The following MAGI2 variants were observed in gnomAD, a reference collection of about 807,000 sequenced individuals.
The protein encoded by MAGI2 is membrane associated guanylate kinase, WW and PDZ domain containing 2, also known as membrane-associated guanylate kinase, WW and PDZ domain-containing protein 2.
MAGI2 carries 35 observed loss-of-function variants against 133.3 expected under a neutral mutation model. The ratio of observed to expected loss-of-function variants is 0.26; its 90% CI spans 0.20 to 0.35. The LOEUF is 0.35. Among genes scored for constraint, MAGI2 ranks in the 10% least tolerant of loss-of-function variants. The pLI is 1.00. For missense variants in MAGI2, 1,636 were observed against 1,863.4 expected (o/e 0.88, Z 2.25); for synonymous variants, 729 against 710.6 (o/e 1.03, Z -0.41).
chr7:79,429,668 T>A (rs1430339554), intron 1 of MAGI2, among the ~76,000 whole-genome samples: 2 of 152,170 alleles, frequency 1.3e-5, no homozygotes, highest in Non-Finnish European at 2.9e-5. Context: ...CTTTCCTACT[T>A]TCAATAGAGT....
chr7:78,271,341 C>A (rs542740162), intron 9 of MAGI2, among the ~76,000 whole-genome samples: 1 of 152,236 alleles, frequency 6.6e-6, no homozygotes, highest in African/African-American at 2.4e-5. Context: ...TGACGTGCTG[C>A]TGGATTCGGT....
intron 6 of MAGI2, among the ~76,000 whole-genome samples, chr7:78,456,273 A>T (rs1789311541): frequency 6.6e-6 from 1 of 152,086 alleles, no homozygotes; most frequent in African/African-American, 2.4e-5. Flanking sequence ...CTTATGCTAA[A>T]CTTTAAGGCT....
chr7:79,144,881 T>A (rs1822468893), intron 1 of MAGI2, among the ~76,000 whole-genome samples: 1 of 152,186 alleles, frequency 6.6e-6, no homozygotes, highest in Non-Finnish European at 1.5e-5. Context: ...TCTTTCCTAT[T>A]TGTTTCTGTG....
intron 1 of MAGI2, among the ~76,000 whole-genome samples, chr7:79,291,279 T>C (rs1052673417): frequency 6.6e-6 from 1 of 152,164 alleles, no homozygotes; most frequent in Non-Finnish European, 1.5e-5. Flanking sequence ...AATATTCCAT[T>C]GTATGTATAA....
chr7:78,294,024 A>T (rs950878996), intron 9 of MAGI2, among the ~76,000 whole-genome samples: 1 of 152,200 alleles, frequency 6.6e-6, no homozygotes, highest in African/African-American at 2.4e-5. Flanking sequence ...ACATGTATAC[A>T]AATGTAATAC....
intron 1 of MAGI2, among the ~76,000 whole-genome samples, chr7:79,363,586 C>A (rs989567670): frequency 6.6e-6 from 1 of 150,938 alleles, no homozygotes; most frequent in Non-Finnish European, 1.5e-5. Flanking sequence ...AAATTTAAGA[C>A]CTGAAACTAT....
chr7:78,427,033 T>G (rs1799345510), intron 6 of MAGI2, among the ~76,000 whole-genome samples: 1 of 152,150 alleles, frequency 6.6e-6, no homozygotes, highest in African/African-American at 2.4e-5. Flanking sequence ...CATGAAATAA[T>G]ATAACATTAA....
intron 1 of MAGI2, among the ~76,000 whole-genome samples, chr7:79,123,868 A>C (rs1226383451): frequency 6.6e-6 from 1 of 150,948 alleles, no homozygotes; most frequent in East Asian, 1.9e-4. Flanking sequence ...TTTATTGAGC[A>C]GTCACTATTT....
intron 4 of MAGI2, among the ~76,000 whole-genome samples, chr7:78,505,315 C>G (rs1195643796): frequency 6.6e-6 from 1 of 152,024 alleles, no homozygotes; most frequent in Non-Finnish European, 1.5e-5. Flanking sequence ...CACAAGAATA[C>G]TTTACAAGTT....
chr7:79,207,284 C>A (rs1167173510), intron 1 of MAGI2, among the ~76,000 whole-genome samples: 1 of 151,804 alleles, frequency 6.6e-6, no homozygotes, highest in African/African-American at 2.4e-5. Flanking sequence ...TAAGTTGTCC[C>A]TGTTTGCAGA....
chr7:78,685,886 A>G (rs992446779), intron 2 of MAGI2, among the ~76,000 whole-genome samples: 1 of 152,070 alleles, frequency 6.6e-6, no homozygotes, highest in African/African-American at 2.4e-5. Context: ...TCTACCTCCA[A>G]AATATTAGTA....
chr7:79,097,712 T>A (rs971716898), intron 1 of MAGI2, among the ~76,000 whole-genome samples: 4 of 152,224 alleles, frequency 2.6e-5, no homozygotes, highest in Non-Finnish European at 4.4e-5. Context: ...AATTTCTAAC[T>A]AGTTGCAGGG....
Position 78,573,066 on chromosome 7 carries a change from T to C in MAGI2, c.539-51421A>G, listed in dbSNP as rs34005306. Among the ~76,000 whole-genome samples, 565 of 89,658 alleles carry C rather than the reference T, an allele frequency of 6.3e-3. 13 individuals carry two copies. Among genetic ancestry groups the C allele is most frequent in the African/African-American group, 0.025 (528 of 21,456 alleles). 58.8% of individuals were successfully genotyped at this position (89,658 alleles called of 152,430 possible). A position where few individuals can be genotyped will look rare whatever the true frequency, so the allele number is the denominator to read the frequency against. Reference sequence around the variant, plus strand: ...ATATATATATATATATATATATATATATATATATATACACACACACACACA... The same window carrying C: ...ATATATATATATATATATATATATACATATATATATACACACACACACACA... On this transcript the variant is annotated intron_variant, in intron 3 of 21. Transcript: ENST00000354212.
At chr7:78,587,221 T>C (rs371403781) in intron 3 of MAGI2, among the ~76,000 whole-genome samples, 1 of 152,340 alleles carries the variant, frequency 6.6e-6, no homozygotes, top group African/African-American at 2.4e-5. Flanking sequence ...TTCCAACTTC[T>C]CCATACCCTC....
At chr7:78,058,329 C>T (rs768776144) in intron 21 of MAGI2, among the ~76,000 whole-genome samples, 22 of 152,036 alleles carry the variant, frequency 1.4e-4, no homozygotes, top group Admixed American at 3.9e-4. Flanking sequence ...TGTTCTTGCT[C>T]GCCTTTGCCA....
intron 2 of MAGI2, among the ~76,000 whole-genome samples, chr7:78,717,174 C>CG (rs1342607737): frequency 1.3e-5 from 2 of 152,104 alleles, no homozygotes; most frequent in Admixed American, 1.3e-4. Flanking sequence ...GCTCCCCCTC[C>CG]GCAGGTCTTT....
At chr7:79,434,082 G>A (rs916037316) in intron 1 of MAGI2, among the ~76,000 whole-genome samples, 2 of 151,298 alleles carry the variant, frequency 1.3e-5, no homozygotes, top group Non-Finnish European at 2.9e-5. Flanking sequence ...CTAAAAGCCT[G>A]AAACAAATCT....
At chr7:78,490,231 C>G (rs2150491732) in intron 5 of MAGI2, among the ~76,000 whole-genome samples, 1 of 152,162 alleles carries the variant, frequency 6.6e-6, no homozygotes, top group South Asian at 2.1e-4. Flanking sequence ...TTAAACCTAC[C>G]CTTTTCATAA....
chr7:78,533,371 G>C (rs1797624875), intron 3 of MAGI2, among the ~76,000 whole-genome samples: 1 of 152,062 alleles, frequency 6.6e-6, no homozygotes, highest in Admixed American at 6.6e-5. Context: ...AATAAGAAAA[G>C]TAAGGACAAG....
Sources: gnomAD v4.1 joint callset for allele counts (sites outside exome capture counted in the v4.1 genomes callset) on GRCh38, gnomAD v4.1.1 for gene constraint, MANE v1.5 for transcripts, NCBI Gene and HGNC (gene_info 2026-07-23, HGNC 2026-07-21) for gene names.